Variants in GNA12 observed in about 807,000 individuals in gnomAD.
GNA12 encodes G protein subunit alpha 12, also known as guanine nucleotide-binding protein subunit alpha-12.
In GNA12, 9 loss-of-function variants were observed where a neutral mutation model predicts 26.0. That is an observed-to-expected ratio of 0.35 (90% CI 0.21 to 0.60). The LOEUF (loss-of-function observed/expected upper bound fraction) is 0.60, where lower values mean the gene tolerates loss of function less well. Ranked by LOEUF, GNA12 falls within the 20% of genes least tolerant of loss-of-function variation. The pLI is 0.78. For synonymous variants in GNA12, 264 were observed against 219.6 expected, an observed-to-expected ratio of 1.20 and a Z score of -1.79; for missense variants, 405 against 525.8, an observed-to-expected ratio of 0.77 and a Z score of 2.25.
At chr7:2,792,212 T>G (rs553189822) in intron 2 of GNA12, among the ~76,000 whole-genome samples, 2 of 152,166 alleles carry the variant, frequency 1.3e-5, no homozygotes, top group African/African-American at 2.4e-5. Context: ...TCTCACACAG[T>G]AGGTGATCCA....
intron 2 of GNA12, among the ~76,000 whole-genome samples, chr7:2,768,295 G>A (rs1583264179): frequency 6.6e-6 from 1 of 152,236 alleles, no homozygotes; most frequent in Non-Finnish European, 1.5e-5. Flanking sequence ...TACAGCAAAT[G>A]TAGTGACTAA....
In GNA12 at chr7:2,731,467, A is replaced by T. The variant is rs191664263; in HGVS notation, c.860T>A (p.Phe287Tyr). The T allele has an allele frequency of 6.2e-7, 1 of 1,613,878 alleles. No individual in the cohort carries two copies. Among genetic ancestry groups the T allele is most frequent in the Admixed American group, 1.7e-5 (1 of 60,008 alleles). Residue 287 changes from phenylalanine (F) to tyrosine (Y), a missense_variant, in exon 4 of 4, where the codon TTC becomes TAC. By Grantham distance (22) the Phe-to-Tyr change is conservative. Coordinates refer to ENST00000275364, the MANE Select transcript of GNA12 (RefSeq NM_007353.3). This position sits in a 1 kb window ranked among gnomAD's most constrained non-coding sequence, Gnocchi z 6.0. The part of the protein sequence containing the change: ...FETIVNNKLF[F>Y]NVSIILFLNK... Reference sequence around the variant, plus strand: ...GAGGAAGAGAATGATGGAGACGTTGAAGAAGAGCTTGTTGTTGACGATGGT... The same window carrying T: ...GAGGAAGAGAATGATGGAGACGTTGTAGAAGAGCTTGTTGTTGACGATGGT...
Position 2,730,846 on chromosome 7 carries a change from C to A in GNA12, c.*335G>T. The A allele has an allele frequency of 3.7e-6, 1 of 269,046 alleles. No individual in the cohort carries two copies. Among genetic ancestry groups the A allele is most frequent in the Non-Finnish European group, 6.9e-6 (1 of 144,618 alleles). The allele number at this position is 269,046 out of a possible 1,614,324, so 16.7% of individuals were successfully genotyped here. A position where few individuals can be genotyped will look rare whatever the true frequency, so the allele number is the denominator to read the frequency against. On this transcript the variant is annotated 3_prime_UTR_variant, in exon 4 of 4. Coordinates refer to ENST00000275364, the MANE Select transcript of GNA12 (RefSeq NM_007353.3). ...GAGCGTGTGTACACACATACACACA[C>A]AACACGGTCCTCAATTAAACTGCGT...
At chr7:2,779,215 T>G (rs535384750) in intron 2 of GNA12, among the ~76,000 whole-genome samples, 1 of 152,012 alleles carries the variant, frequency 6.6e-6, no homozygotes, top group Non-Finnish European at 1.5e-5. Flanking sequence ...CCTGATGTGG[T>G]GGCATGCCTG....
intron 2 of GNA12, among the ~76,000 whole-genome samples, chr7:2,743,748 G>T (rs545013791): frequency 6.6e-6 from 1 of 152,212 alleles, no homozygotes; most frequent in Non-Finnish European, 1.5e-5. Context: ...GGAAGCGCAA[G>T]GGGTCAGGGA....
intron 1 of GNA12, among the ~76,000 whole-genome samples, chr7:2,823,096 T>C (rs902161950): frequency 6.6e-6 from 1 of 152,212 alleles, no homozygotes; most frequent in Non-Finnish European, 1.5e-5. Flanking sequence ...TAACTATTTG[T>C]ATATTATTTG....
chr7:2,816,927 G>A (rs989531025), intron 1 of GNA12, among the ~76,000 whole-genome samples: 2 of 152,144 alleles, frequency 1.3e-5, no homozygotes, highest in African/African-American at 4.8e-5. Flanking sequence ...AAGTCAGTCT[G>A]GGTCTCTGCT....
intron 1 of GNA12, chr7:2,815,235 CT>C: frequency 3.0e-6 from 1 of 332,328 alleles, no homozygotes; most frequent in South Asian, 3.2e-5. Flanking sequence ...GTCAGCGGAC[CT>C]ACAGTCAAGG....
At chr7:2,843,177 C>T (rs369064563) in intron 1 of GNA12, among the ~76,000 whole-genome samples, 1 of 152,116 alleles carries the variant, frequency 6.6e-6, no homozygotes, top group East Asian at 1.9e-4. Context: ...CTTCTAAGCT[C>T]AGCCGGAGGG....
intron 2 of GNA12, among the ~76,000 whole-genome samples, chr7:2,774,347 G>A (rs896843876): frequency 6.6e-6 from 1 of 152,210 alleles, no homozygotes; most frequent in Non-Finnish European, 1.5e-5. Context: ...ATAGGTAGTG[G>A]TGGGTGCGGT....
At chr7:2,788,069 G>A (rs1329928538) in intron 2 of GNA12, among the ~76,000 whole-genome samples, 1 of 152,074 alleles carries the variant, frequency 6.6e-6, no homozygotes, top group African/African-American at 2.4e-5. Context: ...AGGGAGAATC[G>A]CTTGAACCCA....
At chr7:2,814,686 A>G (rs1793172586) in intron 1 of GNA12, among the ~76,000 whole-genome samples, 1 of 150,726 alleles carries the variant, frequency 6.6e-6, no homozygotes, top group Non-Finnish European at 1.5e-5. Context: ...AAGGAGCTCT[A>G]AAAGGCTGGA....
At chr7:2,751,440 A>G (rs1268007071) in intron 2 of GNA12, among the ~76,000 whole-genome samples, 1 of 151,978 alleles carries the variant, frequency 6.6e-6, no homozygotes, top group Non-Finnish European at 1.5e-5. Flanking sequence ...AAAAATGATC[A>G]AAAATCACTG....
chr7:2,814,852 G>A (rs1046778630), intron 1 of GNA12: 2 of 1,596,480 alleles, frequency 1.3e-6, no homozygotes, highest in African/African-American at 1.3e-5. Context: ...GGTGTGCACT[G>A]CTCCCCTCCA....
At chr7:2,770,910 G>T (rs562770290) in intron 2 of GNA12, among the ~76,000 whole-genome samples, 3 of 152,338 alleles carry the variant, frequency 2.0e-5, no homozygotes, top group African/African-American at 7.2e-5. Context: ...TCTAAACGTG[G>T]ACCTGGGGGT....
At position 2,740,788 on chromosome 7, in the gene GNA12, T is replaced by C. The variant is rs553376441; in HGVS notation, c.526-7287A>G. ...GGCTCGCCGCGGTGACTCATGCCTA[T>C]AATCCCAGCACTTTGGGAGGCCGAG... On this transcript the variant is annotated intron_variant, in intron 2 of 3. Transcript: ENST00000275364. Among the ~76,000 whole-genome samples the C allele has an allele frequency of 3.0e-4, 46 of 152,332 alleles. No homozygotes were observed. In the South Asian group the frequency reaches 3.9e-3, roughly 13 times the overall value.
chr7:2,739,851 T>TA (rs1346699201), intron 2 of GNA12, among the ~76,000 whole-genome samples: 3 of 152,160 alleles, frequency 2.0e-5, no homozygotes, highest in African/African-American at 7.2e-5. Context: ...TTTGTATTTT[T>TA]AGTAGAGACG....
chr7:2,748,659 T>C (rs904139760), intron 2 of GNA12, among the ~76,000 whole-genome samples: 8 of 151,972 alleles, frequency 5.3e-5, no homozygotes, highest in African/African-American at 1.7e-4. Flanking sequence ...AATTGACAAA[T>C]GGGATCTAAT....
Position 2,745,864 on chromosome 7 carries a change from G to A in GNA12, c.526-12363C>T, listed in dbSNP as rs1352292960. Among the ~76,000 whole-genome samples, 5 of 152,198 alleles carry A rather than the reference G, an allele frequency of 3.3e-5. No homozygotes were observed. In the East Asian group the frequency reaches 9.6e-4, roughly 29 times the overall value. ...TGGAAAACAGAAAAACGCAGGGGTT[G>A]CAATCCTAGTCTCTGATAAAACAGA... On this transcript the variant is annotated intron_variant, in intron 2 of 3. Transcript: ENST00000275364.
Sources: allele counts gnomAD v4.1 joint callset (sites outside exome capture counted in the v4.1 genomes callset), GRCh38; gene constraint gnomAD v4.1.1; non-coding constraint Gnocchi (gnomAD v3.1); transcripts MANE v1.5; gene names NCBI Gene and HGNC (gene_info 2026-07-23, HGNC 2026-07-21).